The following IQCE variants were observed in gnomAD, a reference collection of about 807,000 sequenced individuals.
IQCE encodes IQ motif containing E.
Under a neutral mutation model 96.0 loss-of-function variants are expected in IQCE, and 115 were observed. That is an observed-to-expected ratio of 1.20 (90% CI 1.03 to 1.40). The LOEUF (loss-of-function observed/expected upper bound fraction) is 1.40, where lower values mean the gene tolerates loss of function less well. IQCE is among the 40% of genes most tolerant of loss of function. IQCE has a pLI of 0.00. For synonymous variants in IQCE, 412 were observed against 371.2 expected (o/e 1.11, Z -1.26); for missense variants, 1,041 against 909.1 (o/e 1.15, Z -1.87).
At chr7:2,604,191 T>G (rs1317763826) in intron 18 of IQCE, among the ~76,000 whole-genome samples, 1 of 152,096 alleles carries the variant, frequency 6.6e-6, no homozygotes, top group Non-Finnish European at 1.5e-5. Context: ...TTTTACCATA[T>G]TGACCAGGCT....
chr7:2,568,744 G>C (rs928741757), intron 2 of IQCE, among the ~76,000 whole-genome samples: 3 of 152,144 alleles, frequency 2.0e-5, no homozygotes, highest in African/African-American at 7.2e-5. Flanking sequence ...TGCTCTGAGA[G>C]CCCAGCCCTG....
chr7:2,604,927 C>A lies in IQCE; in HGVS notation c.1679C>A (p.Thr560Lys). 1 of 1,613,800 alleles carries A rather than the reference C, an allele frequency of 6.2e-7. No homozygotes were observed. The highest frequency in any genetic ancestry group is 1.3e-5 in the African/African-American group (1 of 75,072). Residue 560 changes from threonine to lysine, a missense_variant, in exon 19 of 22, where the codon ACA becomes AAA. Thr to Lys is a moderately conservative substitution (Grantham distance 78). Coordinates refer to ENST00000402050, the MANE Select transcript of IQCE (RefSeq NM_152558.5). The part of the protein sequence containing the change: ...QAAFRGHLTR[T>K]KLLASKAHGS... ...GCTTTCAGGGGACATCTCACGCGGA[C>A]AAAGCTCTTAGCAAGCAAAGCACAT...
chr7:2,587,329 C>T (rs1379179984), intron 12 of IQCE, among the ~76,000 whole-genome samples: 1 of 151,248 alleles, frequency 6.6e-6, no homozygotes, highest in Non-Finnish European at 1.5e-5. Flanking sequence ...GCATGTGGGT[C>T]ACCAGCACTT....
rs1440144066 is a variant in IQCE, at chr7:2,610,365, C to A, written c.*203C>A. 9.7e-6 allele frequency: 5 copies of A among 517,568 alleles called. No homozygotes were observed. In the African/African-American group the frequency reaches 9.7e-5, roughly 10 times the overall value. The allele number at this position is 517,568 out of a possible 1,614,324, so 32.1% of individuals were successfully genotyped here. ...TATTCTCTGGGGAGGGCCAGCGGCT[C>A]GCATCCCCCTCATCTCCAGCTGCAG... is the stretch of plus-strand genomic sequence containing the variant. On this transcript the variant is annotated 3_prime_UTR_variant, in exon 22 of 22. Coordinates refer to ENST00000402050, the MANE Select transcript of IQCE (RefSeq NM_152558.5).
rs199994131 is a variant in IQCE, at chr7:2,593,139, G to T, written c.1349+13G>T. On this transcript the variant is annotated intron_variant, in intron 15 of 21. Coordinates refer to ENST00000402050, the MANE Select transcript of IQCE (RefSeq NM_152558.5). ...AGGAGGTTTTGAGGTATGTGACCCGGGTCAGGGCTGGAGAGGACCCAGGCG... is the reference window on the plus strand; with the variant it reads ...AGGAGGTTTTGAGGTATGTGACCCGTGTCAGGGCTGGAGAGGACCCAGGCG... 6.2e-7 allele frequency: 1 copy of T among 1,606,370 alleles called. No individual in the cohort carries two copies. Among genetic ancestry groups the T allele is most frequent in the Non-Finnish European group, 8.5e-7 (1 of 1,174,690 alleles).
At chr7:2,581,658 T>C (rs1782669524) in intron 8 of IQCE, among the ~76,000 whole-genome samples, 1 of 151,928 alleles carries the variant, frequency 6.6e-6, no homozygotes, top group Admixed American at 6.6e-5. Flanking sequence ...CTGGGCAACA[T>C]AGTGAAACCC....
intron 1 of IQCE, among the ~76,000 whole-genome samples, chr7:2,564,072 CATG>C (rs1413153406): frequency 6.6e-6 from 1 of 151,266 alleles, no homozygotes; most frequent in Non-Finnish European, 1.5e-5. Flanking sequence ...ATTAGCCTGA[CATG>C]GTGGTGCACA....
chr7:2,589,544 C>G (rs995108468), intron 13 of IQCE, among the ~76,000 whole-genome samples: 2 of 152,156 alleles, frequency 1.3e-5, no homozygotes, highest in Non-Finnish European at 2.9e-5. Context: ...GGATGTCACT[C>G]GAGACTGAAA....
chr7:2,572,065 AC>A (rs1268142769), intron 4 of IQCE, 126 bp from the exon 5 acceptor site: 1 of 996,464 alleles, frequency 1.0e-6, no homozygotes, highest in African/African-American at 1.6e-5. Flanking sequence ...ATTTACCAGC[AC>A]GACACTGACG....
chr7:2,559,235 G>C lies in IQCE; in HGVS notation c.36+18G>C. 1 of 1,209,394 alleles carries C rather than the reference G, an allele frequency of 8.3e-7. No homozygotes were observed. Among genetic ancestry groups the C allele is most frequent in the Non-Finnish European group, 1.0e-6 (1 of 972,550 alleles). The allele number at this position is 1,209,394 out of a possible 1,614,324, so 74.9% of individuals were successfully genotyped here. ...TGGACACGGTAAGAACGGGCGAGGG[G>C]GCGACGCCGGGCGGGCGTCCGCGAG... On this transcript the variant is annotated intron_variant, in intron 1 of 21. Transcript: ENST00000402050.
intron 11 of IQCE, chr7:2,584,515 G>A (rs544481437): frequency 2.4e-5 from 13 of 540,386 alleles, no homozygotes; most frequent in Non-Finnish European, 3.7e-5. Context: ...GTTCAATGCC[G>A]CCCGTGTTCG....
chr7:2,606,975 C>A, intron 20 of IQCE, 149 bp from the exon 21 acceptor site: 2 of 662,126 alleles, frequency 3.0e-6, no homozygotes, highest in Non-Finnish European at 4.9e-6. Context: ...ATATTGGGTA[C>A]AGCGCTGGTC....
At chr7:2,583,086 T>A (rs1004575397) in intron 9 of IQCE, among the ~76,000 whole-genome samples, 1 of 152,194 alleles carries the variant, frequency 6.6e-6, no homozygotes, top group South Asian at 2.1e-4. Flanking sequence ...CGTACAATAG[T>A]TCCCCCCTCG....
chr7:2,565,743 A>T (rs777296079), intron 1 of IQCE, among the ~76,000 whole-genome samples: 2 of 152,138 alleles, frequency 1.3e-5, no homozygotes, highest in African/African-American at 2.4e-5. Flanking sequence ...TTCTCTCTAT[A>T]ATTGTCATAT....
At chr7:2,604,420 A>G (rs753426067) in intron 18 of IQCE, among the ~76,000 whole-genome samples, 2 of 152,212 alleles carry the variant, frequency 1.3e-5, no homozygotes, top group Admixed American at 1.3e-4. Context: ...CACATAGCCT[A>G]AGAAAATCAT....
intron 11 of IQCE, among the ~76,000 whole-genome samples, chr7:2,584,858 G>T (rs1288437713): frequency 6.6e-6 from 1 of 152,150 alleles, no homozygotes; most frequent in East Asian, 1.9e-4. Flanking sequence ...AACTTTTTCT[G>T]TAAAGGACCA....
chr7:2,591,069 A>G (rs1783544846), intron 14 of IQCE, among the ~76,000 whole-genome samples: 3 of 152,282 alleles, frequency 2.0e-5, no homozygotes, highest in South Asian at 2.1e-4. Context: ...CCTGGACAGC[A>G]TGGTGAAACC....
chr7:2,559,902 T>C (rs1397508910), intron 1 of IQCE, among the ~76,000 whole-genome samples: 1 of 151,886 alleles, frequency 6.6e-6, no homozygotes, highest in African/African-American at 2.4e-5. Flanking sequence ...AGTCCCCCGG[T>C]AGTCCCTGCA....
intron 1 of IQCE, among the ~76,000 whole-genome samples, chr7:2,565,877 C>T (rs1053960084): frequency 1.1e-4 from 16 of 152,114 alleles, no homozygotes; most frequent in Non-Finnish European, 5.9e-5. Context: ...TTCCTTTGCC[C>T]CTCGAAATGC....
Sources: allele counts gnomAD v4.1 joint callset (sites outside exome capture counted in the v4.1 genomes callset), GRCh38; gene constraint gnomAD v4.1.1; transcripts MANE v1.5; gene names NCBI Gene and HGNC (gene_info 2026-07-23, HGNC 2026-07-21).